KCP: variants seen among roughly 807,000 people sequenced by gnomAD.
The protein encoded by KCP is kielin/chordin-like protein.
Under a neutral mutation model 212.7 loss-of-function variants are expected in KCP, and 194 were observed. The observed-to-expected ratio is 0.91, with a 90% confidence interval of 0.81 to 1.03. The LOEUF (loss-of-function observed/expected upper bound fraction) is 1.03. Ranked by LOEUF, KCP falls within the 50% of genes least tolerant of loss-of-function variation. The pLI is 0.00. For missense variants in KCP, 2,080 were observed against 2,162.5 expected (o/e 0.96, Z 0.76); for synonymous variants, 833 against 865.3 (o/e 0.96, Z 0.65).
In KCP at chr7:128,877,476, C is replaced by A; in HGVS notation, c.4618+8G>T. The A allele has an allele frequency of 6.4e-7, 1 of 1,550,786 alleles. No individual in the cohort carries two copies. On this transcript the variant is annotated splice_region_variant and intron_variant, in intron 39 of 39. Coordinates refer to ENST00000610776, the MANE Select transcript of KCP (RefSeq NM_001366122.1). ...TCCCCCAACCTGCAGCGGGCATCAC[C>A]CCCTCACCACACAGCGTGGGGCCTC...
chr7:128,909,308 G>A (rs943811682), intron 1 of KCP, among the ~76,000 whole-genome samples: 1 of 152,310 alleles, frequency 6.6e-6, no homozygotes, highest in Admixed American at 6.5e-5. Flanking sequence ...AGAGAGAGGA[G>A]GAGGGAGAGG....
intron 8 of KCP, among the ~76,000 whole-genome samples, chr7:128,895,434 A>G (rs1450082452): frequency 1.3e-5 from 2 of 152,212 alleles, no homozygotes; most frequent in African/African-American, 4.8e-5. Flanking sequence ...TCACACCCAC[A>G]TCACTGGGCT....
chr7:128,878,900 T>C (rs934365753), intron 37 of KCP, 178 bp from the exon 38 acceptor site: 2 of 600,298 alleles, frequency 3.3e-6, no homozygotes, highest in Non-Finnish European at 5.7e-6. Context: ...AGTGGATACA[T>C]TCTGTGCCAG....
In KCP at chr7:128,893,980, CA is replaced by C; in HGVS notation, c.1000del (p.Cys334ValfsTer180). 6.5e-7 allele frequency: 1 copy of C among 1,550,160 alleles called. No homozygotes were observed. The highest frequency in any genetic ancestry group is 2.0e-5 in the Admixed American group (1 of 50,996). Reference sequence around the variant, plus strand: ...CTGCCAGGCAGCCACACTCACAGCACAGCGGCAGTGCGAGCAGGGGTCCCCT... The same window carrying C: ...CTGCCAGGCAGCCACACTCACAGCACGCGGCAGTGCGAGCAGGGGTCCCCT... Reference protein sequence around the residue: ...GSGDPCSHCRCANGSVQCEPL... With the variant: ...GSGDPCSHCRXANGSVQCEPL... On this transcript the variant is annotated frameshift_variant, in exon 10 of 40. Coordinates refer to ENST00000610776, the MANE Select transcript of KCP (RefSeq NM_001366122.1). LOFTEE classifies it high-confidence loss of function.
At chr7:128,904,380 T>C (rs2128950221) in intron 5 of KCP, 19 of 1,550,238 alleles carry the variant, frequency 1.2e-5, no homozygotes, top group Non-Finnish European at 1.6e-5. Context: ...ACGGCTCCTG[T>C]CTGCAGGGCA....
intron 23 of KCP, 72 bp from the exon 24 acceptor site, chr7:128,887,038 C>T (rs960926199): frequency 2.9e-6 from 3 of 1,040,634 alleles, no homozygotes; most frequent in African/African-American, 3.2e-5. Flanking sequence ...CCTACTGAGC[C>T]TGCAGGGGCC....
chr7:128,888,349 TAC>T (rs1563030658), intron 22 of KCP, among the ~76,000 whole-genome samples: 1 of 43,678 alleles, frequency 2.3e-5, no homozygotes, highest in East Asian at 1.6e-3. Flanking sequence ...CACACACACA[TAC>T]ACAGATACAC....
chr7:128,903,956 G>A, intron 6 of KCP, 100 bp downstream of exon 6: 2 of 1,358,310 alleles, frequency 1.5e-6, no homozygotes, highest in Non-Finnish European at 2.1e-6. Flanking sequence ...CACCTCTCGG[G>A]AGGCATGTGA....
chr7:128,894,796 T>C (rs532688723), intron 8 of KCP, among the ~76,000 whole-genome samples: 1 of 152,288 alleles, frequency 6.6e-6, no homozygotes. Context: ...TTAGTAGAGA[T>C]GGGGTTTCAC....
At chr7:128,904,497 C>G in intron 5 of KCP, 1 of 808,362 alleles carries the variant, frequency 1.2e-6, no homozygotes. Context: ...CCAGAGCTGG[C>G]TTACTCTGCA....
rs1263466754 is a variant in KCP at position 128,903,804 on chromosome 7, C to A, written c.671G>T (p.Cys224Phe). 2.6e-6 allele frequency: 4 copies of A among 1,549,636 alleles called. No individual in the cohort carries two copies. In the African/African-American group the frequency reaches 5.5e-5, roughly 21 times the overall value. The change falls in exon 7 of 40, where the codon TGC becomes TTC. Residue 224 changes from cysteine (C) to phenylalanine (F), a missense_variant. Physicochemically the swap from Cys to Phe is radical, Grantham distance 205 (BLOSUM62 -2). Coordinates refer to ENST00000610776, the MANE Select transcript of KCP (RefSeq NM_001366122.1). ...QCTCLRSRVR[C>F]MALKCPPSPC... ...GCTAGGCGGGCACTTCAGGGCCATG[C>A]AGCGAACTCGGCTCCTCTGTAATGC... is the stretch of plus-strand genomic sequence containing the variant.
At chr7:128,900,898 G>A (rs1794804470) in intron 8 of KCP, among the ~76,000 whole-genome samples, 1 of 152,206 alleles carries the variant, frequency 6.6e-6, no homozygotes, top group Non-Finnish European at 1.5e-5. Context: ...AGAGGCATTT[G>A]AACCAGAGCA....
chr7:128,889,362 G>A (rs1244647641), intron 21 of KCP, among the ~76,000 whole-genome samples: 2 of 152,162 alleles, frequency 1.3e-5, no homozygotes, highest in South Asian at 2.1e-4. Context: ...TTCCCAACCC[G>A]GAGAGCTGGG....
Position 128,891,020 on chromosome 7 carries a change from G to C in KCP, c.2049C>G (p.Gly683=). The C allele has an allele frequency of 5.2e-6, 7 of 1,344,884 alleles. No homozygotes were observed. Among genetic ancestry groups the C allele is most frequent in the Non-Finnish European group, 6.6e-6 (7 of 1,053,532 alleles). 83.3% of individuals were successfully genotyped at this position (1,344,884 alleles called of 1,614,324 possible). A position where few individuals can be genotyped will look rare whatever the true frequency, so the allele number is the denominator to read the frequency against. The change falls in exon 20 of 40, where the codon GGC becomes GGG. Residue 683 remains glycine (G), a synonymous_variant. Coordinates refer to ENST00000610776, the MANE Select transcript of KCP (RefSeq NM_001366122.1). ...GGCAGAGGCAGCGGCGGCAGGGATCGCCGGGCGGGGAGAAGTACTCCTGGT... is the reference window on the plus strand; with the variant it reads ...GGCAGAGGCAGCGGCGGCAGGGATCCCCGGGCGGGGAGAAGTACTCCTGGT... ...ARHQEYFSPP[G]DPCRRCLCLD... is the part of the protein sequence containing the mutation.
chr7:128,900,884 T>C (rs777470952), intron 8 of KCP, among the ~76,000 whole-genome samples: 8 of 152,104 alleles, frequency 5.3e-5, no homozygotes, highest in Non-Finnish European at 7.3e-5. Flanking sequence ...AGAGGGAAAA[T>C]GTCAGAGGCA....
chr7:128,891,307 A>G (rs1430905769), intron 18 of KCP, 29 bp from the exon 19 acceptor site: 8 of 1,547,530 alleles, frequency 5.2e-6, no homozygotes, highest in Non-Finnish European at 6.1e-6. Context: ...ACCACGGGTC[A>G]GTGGGTTAGT....
At chr7:128,895,288 T>C (rs553579941) in intron 8 of KCP, among the ~76,000 whole-genome samples, 10 of 152,336 alleles carry the variant, frequency 6.6e-5, no homozygotes, top group East Asian at 1.9e-4. Flanking sequence ...AAAATAGTCC[T>C]GTTCTCATAG....
At chr7:128,900,140 A>G (rs1794765229) in intron 8 of KCP, among the ~76,000 whole-genome samples, 1 of 152,220 alleles carries the variant, frequency 6.6e-6, no homozygotes, top group African/African-American at 2.4e-5. Context: ...ATCAAAGCCA[A>G]TTTCAAAGAG....
chr7:128,884,827 T>G lies in KCP; in HGVS notation c.3077A>C (p.Glu1026Ala), dbSNP rs2128945318. The G allele has an allele frequency of 6.4e-7, 1 of 1,550,838 alleles. No homozygotes were observed. Among genetic ancestry groups the G allele is most frequent in the Middle Eastern group, 1.7e-4 (1 of 5,992 alleles). The change falls in exon 28 of 40, where the codon GAG becomes GCG. Residue 1026 changes from glutamate (E) to alanine (A), a missense_variant. By Grantham distance (107) the Glu-to-Ala change is moderately radical. Transcript: ENST00000610776. ...GGGGTCTGCCCCAGGCTGGAAGCTC[T>G]CCCCAGGCTCGTACTTCCGGCCCTC... is the stretch of plus-strand genomic sequence containing the variant. ...EHEGRKYEPG[E>A]SFQPGADPCE...
Sources: allele counts gnomAD v4.1 joint callset (sites outside exome capture counted in the v4.1 genomes callset), GRCh38; gene constraint gnomAD v4.1.1; transcripts MANE v1.5; gene names NCBI Gene and HGNC (gene_info 2026-07-23, HGNC 2026-07-21).